Variants in DNAJC3 observed in about 807,000 individuals in gnomAD.
DNAJC3 encodes the protein DnaJ heat shock protein family (Hsp40) member C3.
DNAJC3 carries 38 observed loss-of-function variants against 68.6 expected under a neutral mutation model. That is an observed-to-expected ratio of 0.55 (90% CI 0.43 to 0.73). The LOEUF (loss-of-function observed/expected upper bound fraction) is 0.73, where lower values mean the gene tolerates loss of function less well. DNAJC3 is among the 30% of genes least tolerant of loss of function. The pLI is 0.00. For synonymous variants in DNAJC3, 203 were observed against 204.0 expected (o/e 1.00, Z 0.04); for missense variants, 526 against 591.9 (o/e 0.89, Z 1.16).
At chr13:95,720,630 G>A (rs1269350878) in intron 2 of DNAJC3, among the ~76,000 whole-genome samples, 1 of 152,080 alleles carries the variant, frequency 6.6e-6, no homozygotes, top group Non-Finnish European at 1.5e-5. Flanking sequence ...AGTTCTAAAT[G>A]TAGTTACTCT....
Position 95,709,259 on chromosome 13 carries a change from A to G in DNAJC3, c.115A>G (p.Lys39Glu), listed in dbSNP as rs1301558447. The change falls in exon 2 of 12, where the codon AAA becomes GAA. Residue 39 changes from lysine (K) to glutamate (E), a missense_variant. Transcript: ENST00000602402. ...ATGTGGAGTAAATGCAGATGTTGAG[A>G]AACATCTTGAATTGGGCAAGAAATT... ...AECGVNADVE[K>E]HLELGKKLLA... The G allele has an allele frequency of 1.3e-6, 2 of 1,583,462 alleles. No homozygotes were observed. The highest frequency in any genetic ancestry group is 1.8e-5 in the Admixed American group (1 of 56,206).
At chr13:95,764,498 C>T (rs1882918456) in intron 9 of DNAJC3, among the ~76,000 whole-genome samples, 1 of 149,342 alleles carries the variant, frequency 6.7e-6, no homozygotes, top group African/African-American at 2.5e-5. Context: ...TAACATAGGA[C>T]AGCTGCTACC....
At chr13:95,741,020 G>T (rs1020983503) in intron 4 of DNAJC3, among the ~76,000 whole-genome samples, 2 of 151,914 alleles carry the variant, frequency 1.3e-5, no homozygotes, top group African/African-American at 4.8e-5. Flanking sequence ...AGCTTATTTA[G>T]TGTCATTATA....
intron 2 of DNAJC3, among the ~76,000 whole-genome samples, chr13:95,714,244 A>G (rs1427877700): frequency 1.3e-5 from 2 of 152,168 alleles, no homozygotes; most frequent in Non-Finnish European, 2.9e-5. Context: ...TCAGATGGTA[A>G]TAATGAATAT....
chr13:95,716,832 A>G (rs1462026059), intron 2 of DNAJC3, among the ~76,000 whole-genome samples: 2 of 152,198 alleles, frequency 1.3e-5, no homozygotes, highest in African/African-American at 4.8e-5. Context: ...ATATGGGCAC[A>G]GTATGGGGTG....
chr13:95,697,786 G>GTTTTT lies in DNAJC3; in HGVS notation c.83-11424_83-11420dup, dbSNP rs35414850. On this transcript the variant is annotated intron_variant, in intron 1 of 11. Transcript: ENST00000602402. ...AATTTAAAAGACCAGCCTTCAAGAA[G>GTTTTT]TTTTTTTTTTTTTTTTTTTTTAAAG... Among the ~76,000 whole-genome samples, 394 of 112,262 alleles carry GTTTTT rather than the reference G, an allele frequency of 3.5e-3. 2 individuals carry two copies. The highest frequency in any genetic ancestry group is 0.013 in the African/African-American group (382 of 28,756). 73.6% of individuals were successfully genotyped at this position (112,262 alleles called of 152,430 possible). A position where few individuals can be genotyped will look rare whatever the true frequency, so the allele number is the denominator to read the frequency against.
At chr13:95,688,198 T>A (rs1880119958) in intron 1 of DNAJC3, among the ~76,000 whole-genome samples, 1 of 152,180 alleles carries the variant, frequency 6.6e-6, no homozygotes, top group African/African-American at 2.4e-5. Context: ...TAGGGTTTTT[T>A]AGGTATAGAA....
At chr13:95,762,252 A>G (rs574320226) in intron 7 of DNAJC3, among the ~76,000 whole-genome samples, 6 of 152,124 alleles carry the variant, frequency 3.9e-5, no homozygotes, top group African/African-American at 1.4e-4. Context: ...ACAAGAGCGA[A>G]ACTCCGTCTC....
intron 2 of DNAJC3, among the ~76,000 whole-genome samples, chr13:95,711,016 G>T (rs1167572555): frequency 1.3e-5 from 2 of 152,146 alleles, no homozygotes; most frequent in Non-Finnish European, 2.9e-5. Flanking sequence ...AGATACAGCT[G>T]TGCTCCCAGA....
At chr13:95,766,711 T>G (rs1272141766) in intron 9 of DNAJC3, among the ~76,000 whole-genome samples, 2 of 152,076 alleles carry the variant, frequency 1.3e-5, no homozygotes, top group Non-Finnish European at 2.9e-5. Context: ...TTTTTTTTTT[T>G]TGAGATGGAG....
At chr13:95,757,399 C>T (rs1015684613) in intron 4 of DNAJC3, among the ~76,000 whole-genome samples, 1 of 152,130 alleles carries the variant, frequency 6.6e-6, no homozygotes, top group Non-Finnish European at 1.5e-5. Context: ...ATTTGCTTCC[C>T]GGTAAGTTTT....
chr13:95,784,451 AT>A (rs1043325857), intron 9 of DNAJC3, among the ~76,000 whole-genome samples: 5 of 151,850 alleles, frequency 3.3e-5, no homozygotes, highest in Non-Finnish European at 5.9e-5. Flanking sequence ...AACAAGCTTA[AT>A]TTTTCCAGTA....
chr13:95,764,673 T>TACACACACACACACACAC (rs1882928000), intron 9 of DNAJC3, among the ~76,000 whole-genome samples: 3 of 122,802 alleles, frequency 2.4e-5, no homozygotes, highest in African/African-American at 1.1e-4. Context: ...TATATATATA[T>TACACACACACACACACAC]ATATATATAT....
intron 2 of DNAJC3, among the ~76,000 whole-genome samples, chr13:95,719,218 C>G (rs1028441238): frequency 1.3e-5 from 2 of 152,228 alleles, no homozygotes; most frequent in African/African-American, 4.8e-5. Context: ...GGATATGGCG[C>G]TTCTTTGCCC....
intron 9 of DNAJC3, among the ~76,000 whole-genome samples, chr13:95,771,949 C>G (rs754026205): frequency 6.6e-6 from 1 of 152,070 alleles, no homozygotes; most frequent in Non-Finnish European, 1.5e-5. Flanking sequence ...TATGTTATTA[C>G]ATGTTTTCGC....
At chr13:95,726,024 A>G (rs1358856401) in intron 4 of DNAJC3, among the ~76,000 whole-genome samples, 1 of 151,896 alleles carries the variant, frequency 6.6e-6, no homozygotes, top group African/African-American at 2.4e-5. Flanking sequence ...TTATGGCTGT[A>G]TAGTATTCCA....
rs934475511 is a variant in DNAJC3, at chr13:95,764,556, T to A, written c.1075+603T>A. Among the ~76,000 whole-genome samples, 20 of 147,642 alleles carry A rather than the reference T, an allele frequency of 1.4e-4. 1 individual carries two copies. In the Admixed American group the frequency reaches 1.4e-3, roughly 10 times the overall value. On this transcript the variant is annotated intron_variant, in intron 9 of 11. Transcript: ENST00000602402. ...AATAACAAGAGATTCCTGCCAGATG[T>A]TGTGAGGTCCTTGGATAAAAGCAGT...
At chr13:95,786,102 AT>A in intron 10 of DNAJC3, 31 bp downstream of exon 10, 1 of 1,561,292 alleles carries the variant, frequency 6.4e-7, no homozygotes, top group Non-Finnish European at 8.7e-7. Flanking sequence ...TTACTTTGCT[AT>A]TTTTAATCAA....
At chr13:95,788,517 A>T (rs186491816) in intron 11 of DNAJC3, among the ~76,000 whole-genome samples, 3 of 152,330 alleles carry the variant, frequency 2.0e-5, no homozygotes, top group African/African-American at 7.2e-5. Context: ...TACTATGCAT[A>T]TATCAAGACG....
Sources: allele counts gnomAD v4.1 joint callset (sites outside exome capture counted in the v4.1 genomes callset), GRCh38; gene constraint gnomAD v4.1.1; transcripts MANE v1.5; gene names NCBI Gene and HGNC (gene_info 2026-07-23, HGNC 2026-07-21).